The following MID1 variants were observed in gnomAD, a reference collection of about 807,000 sequenced individuals.
MID1 encodes E3 ubiquitin-protein ligase Midline-1.
A neutral mutation model predicts 40.4 loss-of-function variants in MID1; 7 were observed. The observed-to-expected ratio is 0.17, with a 90% CI of 0.10 to 0.33. The LOEUF (loss-of-function observed/expected upper bound fraction) is 0.33, where lower values mean the gene tolerates loss of function less well. MID1 is among the 10% of genes least tolerant of loss of function. The pLI is 1.00. For synonymous variants in MID1, 229 were observed against 221.2 expected, an observed-to-expected ratio of 1.04 and a Z score of -0.31; for missense variants, 367 against 558.5, an observed-to-expected ratio of 0.66 and a Z score of 3.46.
chrX:10,636,512 C>A (rs1255916345), intron 1 of MID1, among the ~76,000 whole-genome samples: 4 of 109,232 alleles, frequency 3.7e-5, no homozygotes, highest in Admixed American at 9.9e-5. Context: ...GGGATTTGGA[C>A]CCGGAGTGAA....
chrX:10,720,949 C>CA (rs1370529761), intron 1 of MID1, among the ~76,000 whole-genome samples: 12 of 105,144 alleles, frequency 1.1e-4, no homozygotes, highest in Admixed American at 3.2e-4. Context: ...ATCGCAAGGA[C>CA]AAAAAACCGA....
intron 1 of MID1, among the ~76,000 whole-genome samples, chrX:10,631,130 A>G (rs1332163656): frequency 8.9e-6 from 1 of 112,029 alleles, no homozygotes; most frequent in African/African-American, 3.2e-5. Flanking sequence ...TTCCCAATCA[A>G]TGCAGTATAG....
chrX:10,469,100 T>C (rs1602263966), intron 7 of MID1, among the ~76,000 whole-genome samples: 1 of 111,135 alleles, frequency 9.0e-6, no homozygotes, highest in Admixed American at 9.6e-5. Flanking sequence ...TGAGACAGCA[T>C]TCTCACTGTT....
At chrX:10,658,642 C>T (rs777489229) in intron 1 of MID1, among the ~76,000 whole-genome samples, 3 of 109,564 alleles carry the variant, frequency 2.7e-5, no homozygotes, top group African/African-American at 9.9e-5. Flanking sequence ...ATAGAGGACT[C>T]GAAGTTTCTG....
intron 1 of MID1, among the ~76,000 whole-genome samples, chrX:10,586,873 G>A (rs1192584681): frequency 8.9e-6 from 1 of 112,651 alleles, no homozygotes; most frequent in East Asian, 2.8e-4. Context: ...CTGACACATA[G>A]GGTGTAAAGG....
At chrX:10,773,198 T>A (rs2043781385) in intron 1 of MID1, among the ~76,000 whole-genome samples, 1 of 112,183 alleles carries the variant, frequency 8.9e-6, no homozygotes, top group Non-Finnish European at 1.9e-5. Flanking sequence ...ACATGTAACC[T>A]ATTATCAGAT....
chrX:10,508,224 T>G (rs1225689451), intron 3 of MID1, among the ~76,000 whole-genome samples: 2 of 112,206 alleles, frequency 1.8e-5, no homozygotes, highest in Non-Finnish European at 3.8e-5. Flanking sequence ...AACCATGGGC[T>G]ACAGAAGTTC....
At chrX:10,667,180 C>T (rs1000016389) in intron 1 of MID1, among the ~76,000 whole-genome samples, 1 of 111,502 alleles carries the variant, frequency 9.0e-6, no homozygotes, top group Non-Finnish European at 1.9e-5. Flanking sequence ...CACAAAATGT[C>T]CTCCCTGGCA....
intron 1 of MID1, among the ~76,000 whole-genome samples, chrX:10,748,472 G>C (rs1393855343): frequency 8.9e-6 from 1 of 111,958 alleles, no homozygotes; most frequent in Non-Finnish European, 1.9e-5. Flanking sequence ...CATATTTATA[G>C]GTTGTTGATG....
At chrX:10,759,507 G>A (rs148995597) in intron 1 of MID1, among the ~76,000 whole-genome samples, 66 of 111,162 alleles carry the variant, frequency 5.9e-4, no homozygotes, top group Middle Eastern at 4.6e-3. Context: ...CTTCCCCTTT[G>A]TGATGCCACT....
At chrX:10,553,271 A>AAAAT (rs1218355747) in intron 2 of MID1, among the ~76,000 whole-genome samples, 5 of 107,282 alleles carry the variant, frequency 4.7e-5, no homozygotes, top group African/African-American at 1.7e-4. Context: ...AAATAAAAAA[A>AAAAT]ATATATATAT....
intron 1 of MID1, among the ~76,000 whole-genome samples, chrX:10,572,393 T>C (rs1934761364): frequency 9.1e-6 from 1 of 109,634 alleles, no homozygotes; most frequent in Non-Finnish European, 1.9e-5. Flanking sequence ...CTACTAAAAA[T>C]ACAAAAAATT....
intron 1 of MID1, among the ~76,000 whole-genome samples, chrX:10,777,617 T>C (rs1222200459): frequency 1.6e-4 from 17 of 108,901 alleles, no homozygotes; most frequent in Non-Finnish European, 2.9e-4. Context: ...CTTGGCTCAT[T>C]GCAACCTCCA....
At chrX:10,475,596 T>C (rs1181556940) in intron 5 of MID1, among the ~76,000 whole-genome samples, 2 of 112,251 alleles carry the variant, frequency 1.8e-5, no homozygotes, top group East Asian at 5.6e-4. Context: ...AATTGTGGCA[T>C]GAAGCATACC....
chrX:10,613,754 G>C (rs1935788287), intron 1 of MID1, among the ~76,000 whole-genome samples: 1 of 88,074 alleles, frequency 1.1e-5, no homozygotes, highest in Non-Finnish European at 2.1e-5. Context: ...GAGAGAGAGA[G>C]AGAGAGAGAG....
At chrX:10,779,990 C>T (rs1314130408) in intron 1 of MID1, among the ~76,000 whole-genome samples, 1 of 109,181 alleles carries the variant, frequency 9.2e-6, no homozygotes, top group South Asian at 4.1e-4. Context: ...TGGAGTCTTG[C>T]TCTGTTGCCC....
intron 1 of MID1, among the ~76,000 whole-genome samples, chrX:10,649,765 G>T (rs192999970): frequency 1.8e-5 from 2 of 111,733 alleles, no homozygotes; most frequent in Admixed American, 1.9e-4. Flanking sequence ...TTAGTTTGTT[G>T]AAAAATAATG....
At position 10,722,076 on chromosome X, in the gene MID1, C is replaced by T. The variant is rs185475642; in HGVS notation, c.-186-101657G>A. On this transcript the variant is annotated intron_variant, in intron 1 of 10. Coordinates refer to the MID1 transcript ENST00000380785. Reference sequence around the variant, plus strand: ...ATTAGAAAAAGCATTTTTATGTTATCCTATGCTAAGTATAATTTTAAAAGC... The same window carrying T: ...ATTAGAAAAAGCATTTTTATGTTATTCTATGCTAAGTATAATTTTAAAAGC... Among the ~76,000 whole-genome samples the T allele has an allele frequency of 2.5e-4, 28 of 110,306 alleles. No individual in the cohort carries two copies. In the East Asian group the frequency reaches 5.3e-3, roughly 21 times the overall value.
At chrX:10,522,682 G>A (rs186292916) in intron 3 of MID1, among the ~76,000 whole-genome samples, 1,783 of 111,387 alleles carry the variant, frequency 0.016, 21 homozygotes, top group Non-Finnish European at 0.023. Flanking sequence ...ATTTTTAGTA[G>A]AGACGGGGTT....
Sources: gnomAD v4.1 joint callset for allele counts (sites outside exome capture counted in the v4.1 genomes callset) on GRCh38, gnomAD v4.1.1 for gene constraint, MANE v1.5 for transcripts, NCBI Gene and HGNC (gene_info 2026-07-23, HGNC 2026-07-21) for gene names.